The following ADGRB3 variants were observed in gnomAD, a reference collection of about 807,000 sequenced individuals.
The protein encoded by ADGRB3 is adhesion G protein-coupled receptor B3.
Under a neutral mutation model 193.4 loss-of-function variants are expected in ADGRB3, and 37 were observed. That is an observed-to-expected ratio of 0.19 (90% CI 0.15 to 0.25). ADGRB3 has a LOEUF of 0.25. Among genes scored for constraint, ADGRB3 ranks in the 10% least tolerant of loss-of-function variants. The probability of loss-of-function intolerance (pLI) is 1.00; values close to 1 mark genes in which losing one functional copy is unlikely to be tolerated. For missense variants in ADGRB3, 1,637 were observed against 1,852.9 expected (o/e 0.88, Z 2.14); for synonymous variants, 690 against 644.2 (o/e 1.07, Z -1.08).
At chr6:68,895,943 AGAGT>A (rs1766207793) in intron 3 of ADGRB3, among the ~76,000 whole-genome samples, 4 of 152,114 alleles carry the variant, frequency 2.6e-5, no homozygotes, top group African/African-American at 9.6e-5. Flanking sequence ...TATGGAGTAG[AGAGT>A]GAGAGGCAAA....
chr6:68,830,221 G>GT (rs1252060595), intron 3 of ADGRB3, among the ~76,000 whole-genome samples: 1 of 152,056 alleles, frequency 6.6e-6, no homozygotes, highest in African/African-American at 2.4e-5. Flanking sequence ...ATCTCTGATG[G>GT]TATCAGATCT....
chr6:69,352,419 A>G (rs1191922266), intron 26 of ADGRB3, among the ~76,000 whole-genome samples: 3 of 152,254 alleles, frequency 2.0e-5, no homozygotes, highest in African/African-American at 4.8e-5. Flanking sequence ...GAAAAAGGAA[A>G]TAAGAAATTA....
intron 11 of ADGRB3, among the ~76,000 whole-genome samples, chr6:68,998,783 A>T (rs1769470166): frequency 6.6e-6 from 1 of 152,234 alleles, no homozygotes; most frequent in African/African-American, 2.4e-5. Flanking sequence ...TAAGAGGAGA[A>T]GTGAATGCAA....
chr6:69,020,572 G>A (rs946327869), intron 13 of ADGRB3, among the ~76,000 whole-genome samples: 3 of 151,974 alleles, frequency 2.0e-5, no homozygotes, highest in African/African-American at 4.8e-5. Flanking sequence ...CAAAGCAGTC[G>A]AATGCTGCAA....
intron 11 of ADGRB3, among the ~76,000 whole-genome samples, chr6:69,011,401 C>T (rs893822465): frequency 1.3e-5 from 2 of 151,900 alleles, no homozygotes; most frequent in African/African-American, 4.8e-5. Flanking sequence ...TGCATGTTCT[C>T]ACTTATAAGT....
At chr6:68,978,413 C>G (rs1386840192) in intron 10 of ADGRB3, among the ~76,000 whole-genome samples, 1 of 151,334 alleles carries the variant, frequency 6.6e-6, no homozygotes, top group Non-Finnish European at 1.5e-5. Flanking sequence ...ATGAATTATG[C>G]TTAAATACAT....
chr6:68,904,118 G>A (rs1225964147), intron 3 of ADGRB3, among the ~76,000 whole-genome samples: 1 of 73,622 alleles, frequency 1.4e-5, no homozygotes, highest in African/African-American at 4.1e-5. Context: ...AGGAAGGGAG[G>A]GAGGGAGGAA....
At chr6:69,187,557 T>C (rs1765097476) in intron 17 of ADGRB3, among the ~76,000 whole-genome samples, 1 of 152,210 alleles carries the variant, frequency 6.6e-6, no homozygotes, top group Admixed American at 6.5e-5. Context: ...TCAATAATAA[T>C]TTCATGGAGC....
At chr6:69,255,478 A>C (rs926236676) in intron 20 of ADGRB3, among the ~76,000 whole-genome samples, 10 of 151,966 alleles carry the variant, frequency 6.6e-5, no homozygotes, top group Non-Finnish European at 1.0e-4. Context: ...GCATTTTTTC[A>C]TGTGTTTTTT....
chr6:69,272,330 G>C (rs1380082306), intron 20 of ADGRB3, among the ~76,000 whole-genome samples: 1 of 152,188 alleles, frequency 6.6e-6, no homozygotes, highest in Non-Finnish European at 1.5e-5. Context: ...CAGATAATTA[G>C]AATGCAGTGT....
chr6:69,054,625 A>G (rs1007733962), intron 15 of ADGRB3, among the ~76,000 whole-genome samples: 1 of 152,224 alleles, frequency 6.6e-6, no homozygotes, highest in Non-Finnish European at 1.5e-5. Flanking sequence ...AGCTTATAGT[A>G]TAAAATATTG....
intron 12 of ADGRB3, among the ~76,000 whole-genome samples, chr6:69,016,204 C>T (rs1047880684): frequency 2.0e-5 from 3 of 151,804 alleles, no homozygotes; most frequent in Non-Finnish European, 2.9e-5. Context: ...AAAAAGTTTG[C>T]CAACCTTTTA....
chr6:68,791,784 A>G (rs1767111905), intron 3 of ADGRB3, among the ~76,000 whole-genome samples: 1 of 152,218 alleles, frequency 6.6e-6, no homozygotes, highest in Admixed American at 6.5e-5. Context: ...TTGAAATTAT[A>G]TTATGTTTAA....
Position 68,843,164 on chromosome 6 carries a change from CT to C in ADGRB3, c.758-87394del, listed in dbSNP as rs536594974. 2.8e-4 allele frequency among the ~76,000 whole-genome samples: 42 copies of C among 151,726 alleles called. No homozygotes were observed. In the South Asian group the frequency reaches 8.5e-3, roughly 31 times the overall value. On this transcript the variant is annotated intron_variant, in intron 3 of 31. Coordinates refer to ENST00000370598, the MANE Select transcript of ADGRB3 (RefSeq NM_001704.3). Reference sequence around the variant, plus strand: ...TTCACTACTGTCATTCAATATAGTACTGGAAGTCCTATCTAGAGCAATCAGA... The same window carrying C: ...TTCACTACTGTCATTCAATATAGTACGGAAGTCCTATCTAGAGCAATCAGA...
At chr6:69,072,295 C>T (rs921140588) in intron 16 of ADGRB3, among the ~76,000 whole-genome samples, 12 of 152,124 alleles carry the variant, frequency 7.9e-5, no homozygotes, top group Non-Finnish European at 1.5e-4. Flanking sequence ...TAATAATGCT[C>T]ACATGTATGG....
At chr6:68,879,132 G>T (rs1206805246) in intron 3 of ADGRB3, among the ~76,000 whole-genome samples, 1 of 151,778 alleles carries the variant, frequency 6.6e-6, no homozygotes, top group Non-Finnish European at 1.5e-5. Context: ...ATTTTTAGAG[G>T]CTTGAATGTC....
chr6:68,927,368 A>G (rs1369772296), intron 3 of ADGRB3, among the ~76,000 whole-genome samples: 1 of 152,152 alleles, frequency 6.6e-6, no homozygotes, highest in Non-Finnish European at 1.5e-5. Flanking sequence ...AAAGCCTACT[A>G]TGCTAAAAGT....
At chr6:68,862,953 G>A (rs1037174745) in intron 3 of ADGRB3, among the ~76,000 whole-genome samples, 13 of 152,108 alleles carry the variant, frequency 8.5e-5, no homozygotes, top group African/African-American at 3.1e-4. Flanking sequence ...CTTTGGTATA[G>A]GTAAGTGCTA....
At chr6:68,882,218 A>G (rs11751644) in intron 3 of ADGRB3, among the ~76,000 whole-genome samples, 45,872 of 152,166 alleles carry the variant, frequency 0.3, 7,492 homozygotes, top group Middle Eastern at 0.52. Flanking sequence ...TTGCTCTATT[A>G]CAACCACAAG....
Sources: gnomAD v4.1 joint callset for allele counts (sites outside exome capture counted in the v4.1 genomes callset) on GRCh38, gnomAD v4.1.1 for gene constraint, MANE v1.5 for transcripts, NCBI Gene and HGNC (gene_info 2026-07-23, HGNC 2026-07-21) for gene names.